The following ASCC3 variants were observed in gnomAD, a reference collection of about 807,000 sequenced individuals.
ASCC3 encodes the protein activating signal cointegrator 1 complex subunit 3.
In ASCC3, 158 loss-of-function variants were observed where a neutral mutation model predicts 256.3. The observed-to-expected ratio is 0.62, with a 90% CI of 0.54 to 0.70. The LOEUF (loss-of-function observed/expected upper bound fraction) is 0.70, where lower values mean the gene tolerates loss of function less well. ASCC3 is among the 30% of genes least tolerant of loss of function. ASCC3 has a pLI of 0.00. For synonymous variants in ASCC3, 948 were observed against 883.4 expected (o/e 1.07, Z -1.30); for missense variants, 2,259 against 2,626.0 (o/e 0.86, Z 3.05).
intron 8 of ASCC3, among the ~76,000 whole-genome samples, chr6:100,781,645 C>T (rs1299650520): frequency 6.6e-6 from 1 of 151,724 alleles, no homozygotes; most frequent in African/African-American, 2.4e-5. Flanking sequence ...GCCTCGGCCT[C>T]CCAAAGGGCT....
In ASCC3 at chr6:100,778,333, C is replaced by A. The variant is rs184009426; in HGVS notation, c.1396-10988G>T. ...ATTAATTTTCAGAAAGGTAGTGATTCTTCCAAAATTATATAGTAGCAGCAG... is the reference window on the plus strand; with the variant it reads ...ATTAATTTTCAGAAAGGTAGTGATTATTCCAAAATTATATAGTAGCAGCAG... On this transcript the variant is annotated intron_variant, in intron 8 of 41. Coordinates refer to ENST00000369162, the MANE Select transcript of ASCC3 (RefSeq NM_006828.4). Among the ~76,000 whole-genome samples the A allele has an allele frequency of 8.1e-4, 123 of 152,172 alleles. 2 individuals are homozygous for A. The highest frequency in any genetic ancestry group is 1.9e-4 in the Non-Finnish European group (13 of 67,966).
chr6:100,856,235 G>T, intron 3 of ASCC3: 1 of 305,376 alleles, frequency 3.3e-6, no homozygotes, highest in Non-Finnish European at 4.8e-6. Flanking sequence ...TGATATTTGA[G>T]CTGAATGTAT....
At chr6:100,642,824 T>C in intron 23 of ASCC3, 75 bp from the exon 24 acceptor site, 1 of 1,290,430 alleles carries the variant, frequency 7.7e-7, no homozygotes, top group Non-Finnish European at 1.1e-6. Flanking sequence ...ATTGTTAAGA[T>C]AACGGTATCT....
intron 8 of ASCC3, among the ~76,000 whole-genome samples, chr6:100,785,291 T>C (rs919894485): frequency 6.6e-6 from 1 of 152,140 alleles, no homozygotes; most frequent in Non-Finnish European, 1.5e-5. Context: ...GTATTACATA[T>C]GAAGAAAGCA....
rs751993097 is a variant in ASCC3 at position 100,662,412 on chromosome 6, T to C, written c.2411A>G (p.Lys804Arg). 1 of 1,613,354 alleles carries C rather than the reference T, an allele frequency of 6.2e-7. No individual in the cohort carries two copies. The highest frequency in any genetic ancestry group is 1.7e-5 in the Admixed American group (1 of 59,914). ...VENLFSNGHI[K>R]VLVCTATLAW... ...TAACGTAGCTGTACACACTAGGACT[T>C]TGATATGCCCATTAGAAAACAAGTT... is the stretch of plus-strand genomic sequence containing the variant. The change falls in exon 15 of 42, where the codon AAA becomes AGA. Residue 804 changes from lysine (K) to arginine (R), a missense_variant. By Grantham distance (26) the Lys-to-Arg change is conservative. Around this residue, in one of 2 missense-constraint regions of ASCC3, gnomAD observed 1,839 missense variants for 2,206.7 expected, o/e 0.83. Transcript: ENST00000369162.
intron 8 of ASCC3, among the ~76,000 whole-genome samples, chr6:100,770,502 GA>G (rs11337645): frequency 0.56 from 82,541 of 146,150 alleles, 22,904 homozygotes; most frequent in South Asian, 0.75. Flanking sequence ...AGGGGAAAAA[GA>G]AAAAAAAAAG....
rs140450400 is a variant in ASCC3, at chr6:100,638,700, C to T, written c.4023G>A (p.Thr1341=). The stretch of plus-strand genomic sequence containing the variant: ...GTGCTCCAAGTAGGACATTACAATC[C>T]GTGTGATACAATGTATGAAATATTT... The part of the protein sequence containing the change: ...QTQIFHTLYH[T]DCNVLLGAPT... Residue 1341 remains threonine (T), a synonymous_variant, in exon 25 of 42, where the codon ACG becomes ACA. Coordinates refer to ENST00000369162, the MANE Select transcript of ASCC3 (RefSeq NM_006828.4). The T allele has an allele frequency of 9.9e-6, 16 of 1,613,846 alleles. No homozygotes were observed. In the Admixed American group the frequency reaches 2.5e-4, roughly 25 times the overall value.
At position 100,651,632 on chromosome 6, in the gene ASCC3, G is replaced by C. The variant is rs1354149798; in HGVS notation, c.3003C>G (p.Leu1001=). 6.3e-7 allele frequency: 1 copy of C among 1,578,980 alleles called. No individual in the cohort carries two copies. ...KYNTIETFNE[L]FDAHKTEGDI... Reference sequence around the variant, plus strand: ...CACCTTCTGTTTTGTGAGCATCAAAGAGTTCATTAAAGGTCTACCAAAGTA... The same window carrying C: ...CACCTTCTGTTTTGTGAGCATCAAACAGTTCATTAAAGGTCTACCAAAGTA... Residue 1001 remains leucine (L), a synonymous_variant, in exon 19 of 42, where the codon CTC becomes CTG. Coordinates refer to ENST00000369162, the MANE Select transcript of ASCC3 (RefSeq NM_006828.4).
intron 13 of ASCC3, among the ~76,000 whole-genome samples, chr6:100,684,802 CTTTTTTT>C (rs34237443): frequency 4.2e-5 from 4 of 94,718 alleles, no homozygotes; most frequent in African/African-American, 1.7e-4. Flanking sequence ...GAATCAAACT[CTTTTTTT>C]TTTTTTTTTT....
intron 11 of ASCC3, among the ~76,000 whole-genome samples, chr6:100,723,892 A>T (rs1195642976): frequency 1.8e-5 from 2 of 110,080 alleles, no homozygotes; most frequent in Admixed American, 9.1e-5. Context: ...ATATATATAT[A>T]TATATTTATA....
chr6:100,521,643 G>C (rs927030308), intron 37 of ASCC3, among the ~76,000 whole-genome samples: 1 of 152,176 alleles, frequency 6.6e-6, no homozygotes, highest in Non-Finnish European at 1.5e-5. Context: ...GGGTACTGTT[G>C]TACAAGATGG....
At chr6:100,771,690 AAATT>A (rs1781929809) in intron 8 of ASCC3, among the ~76,000 whole-genome samples, 1 of 152,074 alleles carries the variant, frequency 6.6e-6, no homozygotes, top group South Asian at 2.1e-4. Flanking sequence ...AGGGAAATAA[AAATT>A]AAAATCACAA....
At chr6:100,706,347 A>G (rs6903356) in intron 13 of ASCC3, among the ~76,000 whole-genome samples, 2,154 of 151,466 alleles carry the variant, frequency 0.014, 40 homozygotes, top group African/African-American at 0.05. Flanking sequence ...TTAAAAAAAA[A>G]CACAACTCAA....
intron 10 of ASCC3, among the ~76,000 whole-genome samples, chr6:100,741,708 C>T (rs557750866): frequency 5.2e-4 from 79 of 152,106 alleles, no homozygotes; most frequent in Non-Finnish European, 9.4e-4. Flanking sequence ...GTGAAGTTCT[C>T]GTAGTGTTAT....
intron 8 of ASCC3, among the ~76,000 whole-genome samples, chr6:100,796,892 C>T (rs1199256492): frequency 6.6e-6 from 1 of 152,114 alleles, no homozygotes; most frequent in Non-Finnish European, 1.5e-5. Context: ...TGGTCATCTA[C>T]ATCACGTGTG....
At chr6:100,865,699 T>C (rs1487452986) in intron 2 of ASCC3, among the ~76,000 whole-genome samples, 1 of 152,170 alleles carries the variant, frequency 6.6e-6, no homozygotes, top group African/African-American at 2.4e-5. Flanking sequence ...GGAAACAATG[T>C]TATCATTCTA....
At chr6:100,689,803 C>T (rs1005157041) in intron 13 of ASCC3, among the ~76,000 whole-genome samples, 5 of 152,032 alleles carry the variant, frequency 3.3e-5, no homozygotes, top group Non-Finnish European at 7.4e-5. Context: ...CCTCCCATTG[C>T]TATTTATTTA....
At chr6:100,837,592 A>T (rs1210150555) in intron 4 of ASCC3, among the ~76,000 whole-genome samples, 1 of 152,144 alleles carries the variant, frequency 6.6e-6, no homozygotes, top group Admixed American at 6.5e-5. Flanking sequence ...ACATGGATGA[A>T]CCTGGAGGAC....
intron 10 of ASCC3, among the ~76,000 whole-genome samples, chr6:100,752,797 G>A (rs1179855234): frequency 6.6e-6 from 1 of 152,050 alleles, no homozygotes; most frequent in East Asian, 1.9e-4. Flanking sequence ...TAATAAAAAA[G>A]TTGTTTCATT....
Sources: allele counts gnomAD v4.1 joint callset (sites outside exome capture counted in the v4.1 genomes callset), GRCh38; gene constraint gnomAD v4.1.1; regional missense constraint gnomAD v4.1.1; transcripts MANE v1.5; gene names NCBI Gene and HGNC (gene_info 2026-07-23, HGNC 2026-07-21).